FGGY: variants seen among roughly 807,000 people sequenced by gnomAD.
FGGY encodes the protein FGGY carbohydrate kinase domain containing.
A neutral mutation model predicts 71.3 loss-of-function variants in FGGY; 72 were observed. That is an observed-to-expected ratio of 1.01 (90% confidence interval 0.84 to 1.23). FGGY has a LOEUF of 1.23. Ranked by LOEUF, FGGY falls within the 50% of genes most tolerant of loss-of-function variation. The probability of loss-of-function intolerance (pLI) is 0.00; values close to 1 mark genes in which losing one functional copy is unlikely to be tolerated. For missense variants in FGGY, 668 were observed against 682.3 expected, an observed-to-expected ratio of 0.98 and a Z score of 0.23; for synonymous variants, 251 against 250.3, an observed-to-expected ratio of 1.00 and a Z score of -0.02.
In FGGY at chr1:59,553,467, T is replaced by C. The variant is rs1226104472; in HGVS notation, c.800-657T>C. Among the ~76,000 whole-genome samples, 8 of 152,340 alleles carry C rather than the reference T, an allele frequency of 5.3e-5. No homozygotes were observed. The East Asian group carries it at 1.5e-3, about 29-fold the overall frequency. On this transcript the variant is annotated intron_variant, in intron 7 of 15. Coordinates refer to ENST00000303721, the MANE Select transcript of FGGY (RefSeq NM_018291.5). Reference sequence around the variant, plus strand: ...GCTCTATGGGGAAGAAGCCTGAATTTATACCATTTATGGGAAACCCTCTGC... The same window carrying C: ...GCTCTATGGGGAAGAAGCCTGAATTCATACCATTTATGGGAAACCCTCTGC...
intron 10 of FGGY, among the ~76,000 whole-genome samples, chr1:59,632,632 G>C (rs1234930538): frequency 6.6e-6 from 1 of 152,164 alleles, no homozygotes; most frequent in Admixed American, 6.5e-5. Context: ...CAGTATGTTT[G>C]GCACTGTGCT....
chr1:59,731,384 G>A (rs549013909), intron 14 of FGGY, among the ~76,000 whole-genome samples: 6 of 152,142 alleles, frequency 3.9e-5, no homozygotes, highest in Admixed American at 6.5e-5. Context: ...CCAGATGTGC[G>A]TGGAAAACCT....
chr1:59,536,602 C>A (rs898915969), intron 7 of FGGY, among the ~76,000 whole-genome samples: 42 of 152,254 alleles, frequency 2.8e-4, no homozygotes, highest in Admixed American at 1.3e-3. Flanking sequence ...CAAACCGAAT[C>A]CAGCAGCACA....
chr1:59,409,593 G>GTT (rs56054102), intron 5 of FGGY, among the ~76,000 whole-genome samples: 64 of 114,576 alleles, frequency 5.6e-4, no homozygotes, highest in African/African-American at 1.9e-3. Flanking sequence ...TGAAGGAAGA[G>GTT]TTTTTTATAT....
chr1:59,660,415 C>A, intron 12 of FGGY, 122 bp downstream of exon 12: 1 of 680,646 alleles, frequency 1.5e-6, no homozygotes, highest in Non-Finnish European at 2.3e-6. Context: ...AGATTGTTTG[C>A]AAAAAAGAGA....
intron 7 of FGGY, among the ~76,000 whole-genome samples, chr1:59,553,625 T>A (rs909963532): frequency 6.6e-5 from 10 of 152,212 alleles, no homozygotes; most frequent in Non-Finnish European, 1.0e-4. Flanking sequence ...CATCCTTTGC[T>A]TTTGCTTCTT....
intron 6 of FGGY, among the ~76,000 whole-genome samples, chr1:59,478,723 G>A (rs1041991382): frequency 6.6e-6 from 1 of 152,226 alleles, no homozygotes; most frequent in Non-Finnish European, 1.5e-5. Context: ...AGTCATAAGT[G>A]TAGATGATAT....
intron 5 of FGGY, among the ~76,000 whole-genome samples, chr1:59,387,875 G>A (rs575778921): frequency 7.9e-5 from 12 of 152,082 alleles, no homozygotes; most frequent in African/African-American, 2.7e-4. Context: ...CACACTTAAG[G>A]CAATTAAAAT....
intron 11 of FGGY, chr1:59,641,465 C>A: frequency 1.2e-6 from 1 of 806,574 alleles, no homozygotes. Flanking sequence ...CAGAAAAGTA[C>A]CTATCCTAAG....
At chr1:59,553,499 G>C (rs1235935612) in intron 7 of FGGY, among the ~76,000 whole-genome samples, 1 of 152,158 alleles carries the variant, frequency 6.6e-6, no homozygotes, top group Admixed American at 6.5e-5. Context: ...CTGCTATTTG[G>C]CATTCTGTTA....
rs1209942333 is a variant in FGGY at position 59,354,583 on chromosome 1, G to A, written c.465+8185G>A. ...ATAAACTAGTTTAGGGAAGAAATTT[G>A]TGGGTGATGGCTTCGGGAGGATCTG... On this transcript the variant is annotated intron_variant, in intron 4 of 15. Transcript: ENST00000303721. Among the ~76,000 whole-genome samples, 3 of 152,196 alleles carry A rather than the reference G, an allele frequency of 2.0e-5. No homozygotes were observed. The East Asian group carries it at 5.8e-4, about 29-fold the overall frequency.
In FGGY at chr1:59,518,297, T is replaced by G. The variant is rs1302666103; in HGVS notation, c.799+5858T>G. ...CAATAACATTTCTCACCATTATCAG[T>G]GTTCTAGAAGACAGGATAAAGGCTG... On this transcript the variant is annotated intron_variant, in intron 7 of 15. Transcript: ENST00000303721. Among the ~76,000 whole-genome samples, 3 of 152,338 alleles carry G rather than the reference T, an allele frequency of 2.0e-5. No individual in the cohort carries two copies. In the East Asian group the frequency reaches 5.8e-4, roughly 29 times the overall value.
chr1:59,621,193 T>TA (rs1336599434), intron 9 of FGGY, among the ~76,000 whole-genome samples: 2 of 152,050 alleles, frequency 1.3e-5, no homozygotes, highest in Non-Finnish European at 1.5e-5. Flanking sequence ...ATGAGCTGTT[T>TA]AACCTTAATT....
chr1:59,585,227 A>G (rs2096264277), intron 8 of FGGY, among the ~76,000 whole-genome samples: 1 of 152,206 alleles, frequency 6.6e-6, no homozygotes, highest in African/African-American at 2.4e-5. Flanking sequence ...TCCTAAGCCA[A>G]AAGAACAAAG....
At chr1:59,740,656 T>C (rs915446399) in intron 14 of FGGY, among the ~76,000 whole-genome samples, 3 of 152,234 alleles carry the variant, frequency 2.0e-5, no homozygotes, top group African/African-American at 7.2e-5. Context: ...CTTTTTCTCC[T>C]TCACATTTGT....
At chr1:59,513,580 G>T (rs2094568392) in intron 7 of FGGY, among the ~76,000 whole-genome samples, 1 of 152,208 alleles carries the variant, frequency 6.6e-6, no homozygotes, top group Admixed American at 6.5e-5. Context: ...CTTTTTTTCA[G>T]CACACTATTT....
intron 5 of FGGY, among the ~76,000 whole-genome samples, chr1:59,384,034 C>A (rs1220851435): frequency 6.6e-6 from 1 of 152,122 alleles, no homozygotes; most frequent in Non-Finnish European, 1.5e-5. Context: ...AAGTGGAGGG[C>A]GTCTTGTTAA....
chr1:59,416,823 A>G (rs144356866), intron 5 of FGGY, among the ~76,000 whole-genome samples: 113 of 152,252 alleles, frequency 7.4e-4, no homozygotes, highest in Middle Eastern at 6.8e-3. Context: ...CTTAGGTCTT[A>G]TTGGCTGGAA....
At chr1:59,563,658 A>G (rs1253809842) in intron 8 of FGGY, among the ~76,000 whole-genome samples, 1 of 152,232 alleles carries the variant, frequency 6.6e-6, no homozygotes, top group African/African-American at 2.4e-5. Flanking sequence ...TCAAACTACC[A>G]TTGACTTTCT....
Sources: gnomAD v4.1 joint callset for allele counts (sites outside exome capture counted in the v4.1 genomes callset) on GRCh38, gnomAD v4.1.1 for gene constraint, MANE v1.5 for transcripts, NCBI Gene and HGNC (gene_info 2026-07-23, HGNC 2026-07-21) for gene names.